The following PARD3 variants were observed in gnomAD, a reference collection of about 807,000 sequenced individuals.
PARD3 encodes the protein partitioning defective 3 homolog.
Under a neutral mutation model 155.4 loss-of-function variants are expected in PARD3, and 75 were observed. The observed-to-expected ratio is 0.48, with a 90% CI of 0.40 to 0.58. PARD3 has a LOEUF of 0.58. Ranked by LOEUF, PARD3 falls within the 20% of genes least tolerant of loss-of-function variation. PARD3 has a pLI of 0.00. For missense variants in PARD3, 1,642 were observed against 1,721.7 expected, an observed-to-expected ratio of 0.95 and a Z score of 0.82; for synonymous variants, 576 against 610.5, an observed-to-expected ratio of 0.94 and a Z score of 0.83.
At chr10:34,288,796 T>G (rs1054337178) in intron 20 of PARD3, among the ~76,000 whole-genome samples, 10 of 152,278 alleles carry the variant, frequency 6.6e-5, no homozygotes, top group African/African-American at 2.2e-4. Flanking sequence ...ACCAAACCCA[T>G]TCTCAGCACA....
chr10:34,394,839 G>A (rs907483440), intron 7 of PARD3, among the ~76,000 whole-genome samples: 1 of 151,882 alleles, frequency 6.6e-6, no homozygotes, highest in African/African-American at 2.4e-5. Context: ...GGATAGTCAT[G>A]GGTTCATTTG....
chr10:34,562,963 G>A (rs543934775), intron 2 of PARD3, among the ~76,000 whole-genome samples: 1 of 152,006 alleles, frequency 6.6e-6, no homozygotes, highest in Non-Finnish European at 1.5e-5. Context: ...AGTGACAGGT[G>A]TCTACCTTTG....
At chr10:34,641,116 GGGA>G (rs1268364187) in intron 2 of PARD3, among the ~76,000 whole-genome samples, 3 of 152,208 alleles carry the variant, frequency 2.0e-5, no homozygotes, top group Admixed American at 2.0e-4. Context: ...AGTTAGGTGG[GGGA>G]GGAGATGAAA....
chr10:34,614,937 G>A (rs942279369), intron 2 of PARD3, among the ~76,000 whole-genome samples: 3 of 152,154 alleles, frequency 2.0e-5, no homozygotes, highest in African/African-American at 7.2e-5. Flanking sequence ...CCAGCACTTC[G>A]GGAGGCCAAG....
intron 22 of PARD3, among the ~76,000 whole-genome samples, chr10:34,259,617 C>T (rs989472312): frequency 1.4e-4 from 21 of 152,130 alleles, no homozygotes; most frequent in Non-Finnish European, 2.5e-4. Context: ...TCACAAGTTC[C>T]AGAAATTAGG....
chr10:34,301,199 T>A (rs1194477228), intron 20 of PARD3, among the ~76,000 whole-genome samples: 1 of 152,134 alleles, frequency 6.6e-6, no homozygotes, highest in Non-Finnish European at 1.5e-5. Context: ...CACACCTGCA[T>A]CATATAGAAA....
intron 2 of PARD3, among the ~76,000 whole-genome samples, chr10:34,687,411 T>A (rs567919832): frequency 6.6e-6 from 1 of 152,182 alleles, no homozygotes; most frequent in Non-Finnish European, 1.5e-5. Flanking sequence ...CTAACGGAAC[T>A]GGCCAAATCA....
At chr10:34,317,376 C>T in intron 19 of PARD3, 38 bp from the exon 20 acceptor site, 1 of 1,560,490 alleles carries the variant, frequency 6.4e-7, no homozygotes, top group Non-Finnish European at 8.6e-7. Context: ...ACACAGTGAA[C>T]CAACGCAACA....
intron 5 of PARD3, among the ~76,000 whole-genome samples, chr10:34,406,817 C>T (rs534625119): frequency 1.3e-5 from 2 of 151,732 alleles, no homozygotes; most frequent in South Asian, 4.2e-4. Context: ...AAAAAATTGC[C>T]CCAGGAGAAA....
intron 1 of PARD3, among the ~76,000 whole-genome samples, chr10:34,760,232 G>A (rs1837279785): frequency 1.3e-5 from 2 of 152,116 alleles, no homozygotes; most frequent in South Asian, 4.1e-4. Context: ...ATGTTGCCCA[G>A]GCCGGTCTCC....
At chr10:34,747,614 G>A (rs1470255188) in intron 1 of PARD3, among the ~76,000 whole-genome samples, 1 of 152,094 alleles carries the variant, frequency 6.6e-6, no homozygotes, top group African/African-American at 2.4e-5. Flanking sequence ...GGGCTTCCAC[G>A]ACACCCAGCC....
At chr10:34,581,234 C>CTTTCTTT (rs1554776262) in intron 2 of PARD3, among the ~76,000 whole-genome samples, 3 of 101,274 alleles carry the variant, frequency 3.0e-5, no homozygotes, top group African/African-American at 4.2e-5. Flanking sequence ...TTTTTCTTTT[C>CTTTCTTT]TTTTTTTTTT....
At position 34,405,073 on chromosome 10, in the gene PARD3, AACACAAACACACACAC is replaced by A. The variant is rs1271681621; in HGVS notation, c.715-3172_715-3157del. On this transcript the variant is annotated intron_variant, in intron 5 of 24. Coordinates refer to ENST00000374788, the MANE Select transcript of PARD3 (RefSeq NM_001184785.2). Reference sequence around the variant, plus strand: ...GGTGACAGAGTGAGACCCCATCACAAACACAAACACACACACACACACACACACACACACACACACA... The same window carrying A: ...GGTGACAGAGTGAGACCCCATCACAAACACACACACACACACACACACACA... Among the ~76,000 whole-genome samples the A allele has an allele frequency of 4.5e-3, 612 of 136,070 alleles. 5 individuals carry two copies. The highest frequency in any genetic ancestry group is 0.011 in the East Asian group (47 of 4,304). 89.3% of individuals were successfully genotyped at this position (136,070 alleles called of 152,430 possible).
At chr10:34,583,121 G>A (rs188916149) in intron 2 of PARD3, among the ~76,000 whole-genome samples, 1 of 152,246 alleles carries the variant, frequency 6.6e-6, no homozygotes, top group East Asian at 1.9e-4. Flanking sequence ...GATTAAATGT[G>A]GTGGTATATA....
intron 1 of PARD3, among the ~76,000 whole-genome samples, chr10:34,720,289 G>C (rs1175767030): frequency 2.6e-5 from 4 of 151,874 alleles, no homozygotes; most frequent in African/African-American, 9.7e-5. Flanking sequence ...CAAAAAATTA[G>C]CCAGGTGTGG....
chr10:34,350,805 C>A lies in PARD3; in HGVS notation c.2068-2690G>T, dbSNP rs192312087. 2.6e-5 allele frequency among the ~76,000 whole-genome samples: 4 copies of A among 152,220 alleles called. No homozygotes were observed. In the East Asian group the frequency reaches 7.7e-4, roughly 29 times the overall value. ...TGGCTGTTTAGCCCCTCAGTTCCAT[C>A]CCAAGGAAAGTCTTTCTACCTATTA... On this transcript the variant is annotated intron_variant, in intron 14 of 24. Coordinates refer to ENST00000374788, the MANE Select transcript of PARD3 (RefSeq NM_001184785.2).
At chr10:34,666,769 C>T (rs1224209455) in intron 2 of PARD3, among the ~76,000 whole-genome samples, 6 of 37,376 alleles carry the variant, frequency 1.6e-4, no homozygotes, top group African/African-American at 4.2e-4. Flanking sequence ...CTCACCTACC[C>T]CTCCCCCTAA....
At chr10:34,242,885 A>T (rs1320298019) in intron 22 of PARD3, among the ~76,000 whole-genome samples, 1 of 152,178 alleles carries the variant, frequency 6.6e-6, no homozygotes, top group Non-Finnish European at 1.5e-5. Flanking sequence ...TAGTGAGCTG[A>T]GATCACACTA....
At chr10:34,320,699 T>A (rs1958318980) in intron 19 of PARD3, among the ~76,000 whole-genome samples, 1 of 152,228 alleles carries the variant, frequency 6.6e-6, no homozygotes, top group Non-Finnish European at 1.5e-5. Context: ...TAAAGTAGTA[T>A]GAAATCAATT....
Sources: allele counts gnomAD v4.1 joint callset (sites outside exome capture counted in the v4.1 genomes callset), GRCh38; gene constraint gnomAD v4.1.1; transcripts MANE v1.5; gene names NCBI Gene and HGNC (gene_info 2026-07-23, HGNC 2026-07-21).